The following ZFYVE9 variants were observed in gnomAD, a reference collection of about 807,000 sequenced individuals.
ZFYVE9 encodes zinc finger FYVE-type containing 9, also known as zinc finger FYVE domain-containing protein 9.
In ZFYVE9, 43 loss-of-function variants were observed where a neutral mutation model predicts 126.7. The ratio of observed to expected loss-of-function variants is 0.34; its 90% confidence interval spans 0.27 to 0.44. The LOEUF (loss-of-function observed/expected upper bound fraction) is 0.44, where lower values mean the gene tolerates loss of function less well. ZFYVE9 is among the 20% of genes least tolerant of loss of function. ZFYVE9 has a pLI of 1.00. For missense variants in ZFYVE9, 1,476 were observed against 1,697.0 expected, an observed-to-expected ratio of 0.87 and a Z score of 2.29; for synonymous variants, 521 against 597.4, an observed-to-expected ratio of 0.87 and a Z score of 1.87.
At chr1:52,271,150 A>G (rs1474734463) in intron 7 of ZFYVE9, among the ~76,000 whole-genome samples, 3 of 152,220 alleles carry the variant, frequency 2.0e-5, no homozygotes, top group South Asian at 2.1e-4. Context: ...CTTAGTTTGT[A>G]TGATGGGTTC....
chr1:52,299,974 A>G (rs547522553), intron 12 of ZFYVE9, among the ~76,000 whole-genome samples: 1 of 152,216 alleles, frequency 6.6e-6, no homozygotes, highest in South Asian at 2.1e-4. Flanking sequence ...TGCAGTGGTC[A>G]TGGGGACCAT....
At chr1:52,175,544 GT>G (rs1644617975) in intron 1 of ZFYVE9, among the ~76,000 whole-genome samples, 1 of 150,390 alleles carries the variant, frequency 6.6e-6, no homozygotes, top group Non-Finnish European at 1.5e-5. Flanking sequence ...GAATCTGAAT[GT>G]TGGCCTGCCT....
chr1:52,158,982 C>A (rs541975585), intron 1 of ZFYVE9, among the ~76,000 whole-genome samples: 1 of 152,024 alleles, frequency 6.6e-6, no homozygotes, highest in Admixed American at 6.6e-5. Flanking sequence ...TTAGTAGAGA[C>A]GGGGTTTCAC....
intron 10 of ZFYVE9, among the ~76,000 whole-genome samples, chr1:52,282,031 T>A (rs1645810288): frequency 6.6e-6 from 1 of 152,198 alleles, no homozygotes; most frequent in African/African-American, 2.4e-5. Context: ...ATCAAAGCTG[T>A]AAGAGAATCT....
At chr1:52,228,797 G>A (rs975610071) in intron 2 of ZFYVE9, among the ~76,000 whole-genome samples, 2 of 151,994 alleles carry the variant, frequency 1.3e-5, no homozygotes, top group Admixed American at 1.3e-4. Context: ...TGCTGTGTGT[G>A]TGTATATGTG....
intron 4 of ZFYVE9, among the ~76,000 whole-genome samples, chr1:52,247,697 A>G (rs563636587): frequency 7.2e-5 from 11 of 152,172 alleles, no homozygotes; most frequent in African/African-American, 2.6e-4. Flanking sequence ...GGGTTTCGCC[A>G]TGTTAGTCAG....
intron 11 of ZFYVE9, among the ~76,000 whole-genome samples, chr1:52,294,877 C>T (rs1645957886): frequency 6.6e-6 from 1 of 152,224 alleles, no homozygotes; most frequent in African/African-American, 2.4e-5. Flanking sequence ...ATTTGCCTCT[C>T]CTAAGGAGGA....
chr1:52,265,386 G>A (rs1645623998), intron 5 of ZFYVE9, among the ~76,000 whole-genome samples: 1 of 152,054 alleles, frequency 6.6e-6, no homozygotes, highest in Non-Finnish European at 1.5e-5. Flanking sequence ...AAAATCCTAT[G>A]GATCATTCTT....
chr1:52,345,387 TATG>T (rs1202274486), intron 18 of ZFYVE9, among the ~76,000 whole-genome samples: 60 of 152,270 alleles, frequency 3.9e-4, no homozygotes, highest in African/African-American at 1.4e-3. Context: ...CCTGAGTGCT[TATG>T]AGGAGAAACT....
chr1:52,159,443 A>G (rs1020903109), intron 1 of ZFYVE9, among the ~76,000 whole-genome samples: 4 of 152,246 alleles, frequency 2.6e-5, no homozygotes, highest in African/African-American at 7.2e-5. Flanking sequence ...GAGGAGGCAC[A>G]ATTGTCAGGG....
At chr1:52,183,695 A>G (rs1391662716) in intron 1 of ZFYVE9, among the ~76,000 whole-genome samples, 1 of 152,092 alleles carries the variant, frequency 6.6e-6, no homozygotes, top group Admixed American at 6.6e-5. Flanking sequence ...TAGTAGAGAC[A>G]GGATTTCACC....
At chr1:52,183,701 T>G (rs1002165222) in intron 1 of ZFYVE9, among the ~76,000 whole-genome samples, 1 of 152,180 alleles carries the variant, frequency 6.6e-6, no homozygotes, top group Admixed American at 6.6e-5. Context: ...AGACAGGATT[T>G]CACCATGTTG....
At chr1:52,150,811 T>C (rs1393269569) in intron 1 of ZFYVE9, among the ~76,000 whole-genome samples, 1 of 151,262 alleles carries the variant, frequency 6.6e-6, no homozygotes, top group Non-Finnish European at 1.5e-5. Flanking sequence ...ACAAGCAATG[T>C]CAAAATTTTG....
chr1:52,264,633 T>C (rs1323995887), intron 5 of ZFYVE9, among the ~76,000 whole-genome samples: 2 of 152,238 alleles, frequency 1.3e-5, no homozygotes, highest in African/African-American at 2.4e-5. Flanking sequence ...CAATTACTAA[T>C]AGACATAAAA....
intron 1 of ZFYVE9, among the ~76,000 whole-genome samples, chr1:52,154,588 T>C (rs1207815790): frequency 6.6e-6 from 1 of 152,310 alleles, no homozygotes; most frequent in East Asian, 1.9e-4. Context: ...TTTCATACTT[T>C]CCACCCACTC....
At chr1:52,283,753 T>G (rs1342010474) in intron 10 of ZFYVE9, among the ~76,000 whole-genome samples, 1 of 152,194 alleles carries the variant, frequency 6.6e-6, no homozygotes, top group Non-Finnish European at 1.5e-5. Flanking sequence ...GAAAACTTTC[T>G]GAGATGAGAG....
In ZFYVE9 at chr1:52,207,190, T is replaced by C. The variant is rs183188774; in HGVS notation, c.-142-9179T>C. 4.5e-4 allele frequency among the ~76,000 whole-genome samples: 69 copies of C among 152,358 alleles called. No individual in the cohort carries two copies. In the East Asian group the frequency reaches 0.011, roughly 25 times the overall value. On this transcript the variant is annotated intron_variant, in intron 1 of 18. Transcript: ENST00000287727. ...CAGTAGTTTCTGTCCCTATGACATG[T>C]ATATACAAATTTATGTCATTTTGAG...
At chr1:52,342,624 C>T (rs2147878658) in intron 17 of ZFYVE9, among the ~76,000 whole-genome samples, 1 of 151,366 alleles carries the variant, frequency 6.6e-6, no homozygotes, top group East Asian at 2.0e-4. Context: ...CAACCTCTGC[C>T]TCCTGGGTTC....
chr1:52,208,814 T>C (rs1392122047), intron 1 of ZFYVE9, among the ~76,000 whole-genome samples: 1 of 152,246 alleles, frequency 6.6e-6, no homozygotes, highest in Non-Finnish European at 1.5e-5. Flanking sequence ...ATTACAGGCA[T>C]GAACTACCAT....
Sources: gnomAD v4.1 joint callset for allele counts (sites outside exome capture counted in the v4.1 genomes callset) on GRCh38, gnomAD v4.1.1 for gene constraint, MANE v1.5 for transcripts, NCBI Gene and HGNC (gene_info 2026-07-23, HGNC 2026-07-21) for gene names.